The following DLG5 variants were observed in gnomAD, a reference collection of about 807,000 sequenced individuals.
DLG5 encodes the protein disks large homolog 5.
DLG5 carries 48 observed loss-of-function variants against 189.8 expected under a neutral mutation model. The ratio of observed to expected loss-of-function variants is 0.25; its 90% confidence interval spans 0.20 to 0.32. The LOEUF is 0.32. Among genes scored for constraint, DLG5 ranks in the 10% least tolerant of loss-of-function variants. DLG5 has a pLI of 1.00. For synonymous variants in DLG5, 1,016 were observed against 1,054.1 expected (o/e 0.96, Z 0.70); for missense variants, 2,160 against 2,544.7 (o/e 0.85, Z 3.25).
chr10:77,878,351 G>A (rs527280362), intron 1 of DLG5, among the ~76,000 whole-genome samples: 41 of 152,332 alleles, frequency 2.7e-4, no homozygotes, highest in African/African-American at 9.4e-4. Context: ...AATGAGCAAC[G>A]AGAGGGAAAG....
intron 12 of DLG5, 40 bp from the exon 13 acceptor site, chr10:77,829,025 G>C: frequency 6.3e-7 from 1 of 1,595,512 alleles, no homozygotes; most frequent in Non-Finnish European, 8.6e-7. Flanking sequence ...CCCTGGCCTC[G>C]CTGCCCAGCC....
In DLG5 at chr10:77,926,350, G is replaced by A. The variant is rs1846692393; in HGVS notation, c.171C>T (p.Leu57=). ...EAGGAKAELL[L]KLLLAKERDH... ...CCCGCTCCTTGGCCAAGAGCAGCTT[G>A]AGCAGCAGCTCCGCCTTGGCGCCTC... The change falls in exon 1 of 32, where the codon CTC becomes CTT. Residue 57 remains leucine (L), a synonymous_variant. Transcript: ENST00000372391. The surrounding 1 kb of genome is among the most constrained non-coding windows in gnomAD (Gnocchi z 5.2). 1 of 1,603,074 alleles carries A rather than the reference G, an allele frequency of 6.2e-7. No individual in the cohort carries two copies. The highest frequency in any genetic ancestry group is 8.5e-7 in the Non-Finnish European group (1 of 1,176,274).
Position 77,886,224 on chromosome 10 carries a change from G to T in DLG5, c.305-17027C>A, listed in dbSNP as rs534991879. ...TTTAAGATGCTGCTCAGAGTCTCTG[G>T]TGAGTGGCTCAGTTGGGGAATACCA... On this transcript the variant is annotated intron_variant, in intron 1 of 31. Coordinates refer to ENST00000372391, the MANE Select transcript of DLG5 (RefSeq NM_004747.4). Among the ~76,000 whole-genome samples, 370 of 152,220 alleles carry T rather than the reference G, an allele frequency of 2.4e-3. 1 individual carries two copies. The highest frequency in any genetic ancestry group is 8.7e-3 in the African/African-American group (363 of 41,528).
intron 1 of DLG5, among the ~76,000 whole-genome samples, chr10:77,902,170 C>G (rs1401112557): frequency 6.6e-6 from 1 of 152,136 alleles, no homozygotes; most frequent in African/African-American, 2.4e-5. Flanking sequence ...TCCCAAACAC[C>G]GAGTAAAAGG....
At chr10:77,847,004 T>C (rs1843728214) in intron 5 of DLG5, among the ~76,000 whole-genome samples, 1 of 152,056 alleles carries the variant, frequency 6.6e-6, no homozygotes, top group South Asian at 2.1e-4. Flanking sequence ...TATACCATGG[T>C]TTGGCCTCTT....
At chr10:77,834,680 A>G (rs1843039144) in intron 8 of DLG5, among the ~76,000 whole-genome samples, 1 of 152,074 alleles carries the variant, frequency 6.6e-6, no homozygotes, top group South Asian at 2.1e-4. Flanking sequence ...CCAGAAATGG[A>G]CATACCCAGA....
At chr10:77,883,982 A>ATG (rs1044393782) in intron 1 of DLG5, among the ~76,000 whole-genome samples, 15 of 152,222 alleles carry the variant, frequency 9.9e-5, no homozygotes, top group Non-Finnish European at 1.9e-4. Flanking sequence ...TACAGGCGTG[A>ATG]GCCATCACGC....
intron 1 of DLG5, chr10:77,869,686 C>G (rs538169137): frequency 2.6e-5 from 4 of 156,562 alleles, no homozygotes; most frequent in East Asian, 3.8e-4. Flanking sequence ...TACTTAGTAT[C>G]TGCCCCCTTA....
At chr10:77,824,213 G>GT (rs2154575721) in intron 14 of DLG5, among the ~76,000 whole-genome samples, 171 bp downstream of exon 14, 1 of 152,346 alleles carries the variant, frequency 6.6e-6, no homozygotes, top group East Asian at 1.9e-4. Context: ...CTTGACTGCT[G>GT]TTTTTTGATT....
intron 1 of DLG5, among the ~76,000 whole-genome samples, chr10:77,921,444 A>G (rs990046573): frequency 2.6e-5 from 4 of 152,068 alleles, no homozygotes; most frequent in African/African-American, 7.2e-5. Context: ...TCCCTTGGGG[A>G]AAAAAAACAA....
chr10:77,895,445 A>G (rs182347159), intron 1 of DLG5, among the ~76,000 whole-genome samples: 1 of 152,310 alleles, frequency 6.6e-6, no homozygotes, highest in Non-Finnish European at 1.5e-5. Flanking sequence ...TTTTATGTCA[A>G]ATAACCTGTA....
intron 26 of DLG5, chr10:77,806,167 G>A (rs1158465492): frequency 2.4e-5 from 9 of 377,900 alleles, no homozygotes; most frequent in Admixed American, 4.2e-5. Context: ...GACGAGTTAC[G>A]CTTCCTGCCA....
chr10:77,910,580 C>A (rs1019060701), intron 1 of DLG5, among the ~76,000 whole-genome samples: 1 of 152,172 alleles, frequency 6.6e-6, no homozygotes, highest in Non-Finnish European at 1.5e-5. Flanking sequence ...GAACCCCAGC[C>A]TGGGAAGAGA....
intron 1 of DLG5, among the ~76,000 whole-genome samples, chr10:77,917,919 C>T (rs1429562222): frequency 2.0e-5 from 3 of 150,748 alleles, no homozygotes; most frequent in African/African-American, 7.3e-5. Flanking sequence ...CTCAGCTACC[C>T]GGGAGACTGA....
intron 1 of DLG5, among the ~76,000 whole-genome samples, chr10:77,916,092 C>T (rs758094712): frequency 3.3e-5 from 5 of 151,992 alleles, no homozygotes; most frequent in Non-Finnish European, 5.9e-5. Flanking sequence ...TGGTGGCACA[C>T]GCCTGTAGTA....
intron 7 of DLG5, among the ~76,000 whole-genome samples, chr10:77,836,797 G>C (rs545588999): frequency 5.3e-5 from 8 of 151,966 alleles, no homozygotes; most frequent in Non-Finnish European, 8.8e-5. Context: ...AGACCTCACG[G>C]TTTCTGGGGG....
At chr10:77,806,735 C>CCCCAGG in intron 26 of DLG5, 23 bp downstream of exon 26, 1 of 1,589,012 alleles carries the variant, frequency 6.3e-7, no homozygotes, top group South Asian at 1.1e-5. Flanking sequence ...CCCCACCCCA[C>CCCCAGG]CCCAGGCCCG....
At chr10:77,895,960 T>C (rs1037178392) in intron 1 of DLG5, among the ~76,000 whole-genome samples, 4 of 152,172 alleles carry the variant, frequency 2.6e-5, no homozygotes, top group Non-Finnish European at 5.9e-5. Context: ...CTTTCCCCTT[T>C]TGATGTGGGG....
At position 77,853,755 on chromosome 10, in the gene DLG5, A is replaced by G. The variant is rs540824918; in HGVS notation, c.681-218T>C. ...ACCACTTACAAACCTGACACCAAAA[A>G]GGGCACATGTATCTCCAGGGAAGGG... On this transcript the variant is annotated intron_variant, in intron 4 of 31. Coordinates refer to ENST00000372391, the MANE Select transcript of DLG5 (RefSeq NM_004747.4). 1.6e-3 allele frequency among the ~76,000 whole-genome samples: 247 copies of G among 152,324 alleles called. 1 individual carries two copies. The highest frequency in any genetic ancestry group is 5.8e-3 in the African/African-American group (243 of 41,570).
Sources: allele counts gnomAD v4.1 joint callset (sites outside exome capture counted in the v4.1 genomes callset), GRCh38; gene constraint gnomAD v4.1.1; non-coding constraint Gnocchi (gnomAD v3.1); transcripts MANE v1.5; gene names NCBI Gene and HGNC (gene_info 2026-07-23, HGNC 2026-07-21).